CDK12: variants seen among roughly 807,000 people sequenced by gnomAD.
CDK12 encodes cyclin-dependent kinase 12.
Under a neutral mutation model 133.8 loss-of-function variants are expected in CDK12, and 17 were observed. The observed-to-expected ratio is 0.13, with a 90% CI of 0.09 to 0.19. CDK12 has a LOEUF of 0.19. CDK12 is among the 10% of genes least tolerant of loss of function. CDK12 has a pLI of 1.00. For synonymous variants in CDK12, 694 were observed against 683.6 expected (o/e 1.02, Z -0.24); for missense variants, 1,508 against 1,818.7 (o/e 0.83, Z 3.11).
At chr17:39,482,439 G>T (rs1440418489) in intron 2 of CDK12, among the ~76,000 whole-genome samples, 1 of 151,882 alleles carries the variant, frequency 6.6e-6, no homozygotes, top group Non-Finnish European at 1.5e-5. Context: ...TTTCCTAGTA[G>T]AATGGGATGC....
At chr17:39,494,877 C>T (rs567245851) in intron 5 of CDK12, among the ~76,000 whole-genome samples, 183 bp downstream of exon 5, 134 of 150,736 alleles carry the variant, frequency 8.9e-4, no homozygotes, top group African/African-American at 3.1e-3. Flanking sequence ...TCACGCCATT[C>T]TCCTGCCTCA....
chr17:39,501,753 A>C (rs1301606801), intron 6 of CDK12, among the ~76,000 whole-genome samples: 2 of 152,170 alleles, frequency 1.3e-5, no homozygotes, highest in East Asian at 3.9e-4. Flanking sequence ...TTAATTCATC[A>C]GAAGTTTTTA....
intron 2 of CDK12, among the ~76,000 whole-genome samples, chr17:39,552,319 G>A (rs1410537270): frequency 6.6e-6 from 1 of 152,206 alleles, no homozygotes; most frequent in Non-Finnish European, 1.5e-5. Flanking sequence ...TTCTCTTGTT[G>A]GGAGAGCAGA....
Position 39,470,886 on chromosome 17 carries a change from T to A in CDK12, c.1054T>A (p.Ser352Thr). 2 of 1,597,156 alleles carry A rather than the reference T, an allele frequency of 1.3e-6. No homozygotes were observed. The highest frequency in any genetic ancestry group is 1.7e-6 in the Non-Finnish European group (2 of 1,174,784). Reference sequence around the variant, plus strand: ...GGCTTTTTATTTTTCCAGTAGGAAATCCATGAAGTCCAGAAGTAGAAGTCC... The same window carrying A: ...GGCTTTTTATTTTTCCAGTAGGAAAACCATGAAGTCCAGAAGTAGAAGTCC... ...LSRSPLPSRK[S>T]MKSRSRSPAY... The change falls in exon 2 of 14, where the codon TCC becomes ACC. Residue 352 changes from serine to threonine, a missense_variant. Coordinates refer to ENST00000447079, the MANE Select transcript of CDK12 (RefSeq NM_016507.4).
chr17:39,514,567 C>T lies in CDK12; in HGVS notation c.2769-1164C>T, dbSNP rs186004413. 9.9e-5 allele frequency among the ~76,000 whole-genome samples: 15 copies of T among 152,222 alleles called. No individual in the cohort carries two copies. The East Asian group carries it at 2.7e-3, about 27-fold the overall frequency. On this transcript the variant is annotated intron_variant, in intron 8 of 13. Coordinates refer to ENST00000447079, the MANE Select transcript of CDK12 (RefSeq NM_016507.4). ...ATGTTGCCAGGCTGGTCTTGAACTC[C>T]TGGCTTCAAGTGATCCTCCTGCCTA...
downstream of CDK12, among the ~76,000 whole-genome samples, chr17:39,536,965 C>G (rs1167157115): frequency 6.6e-6 from 1 of 152,204 alleles, no homozygotes; most frequent in Non-Finnish European, 1.5e-5. Flanking sequence ...TTTTTGATAT[C>G]TTGCTCTGGC....
downstream of CDK12, among the ~76,000 whole-genome samples, chr17:39,566,262 G>A (rs7503195): frequency 0.33 from 50,535 of 152,032 alleles, 9,718 homozygotes; most frequent in South Asian, 0.5. Flanking sequence ...CCTGGGCTTA[G>A]GAATGTCCCT....
chr17:39,537,389 G>A (rs1242826606), downstream of CDK12, among the ~76,000 whole-genome samples: 2 of 151,914 alleles, frequency 1.3e-5, no homozygotes, highest in African/African-American at 2.4e-5. Flanking sequence ...TTTTTAGTTT[G>A]GCCTTATACT....
At chr17:39,481,634 CTCTCTCT>C (rs2050676510) in intron 2 of CDK12, among the ~76,000 whole-genome samples, 2 of 3,908 alleles carry the variant, frequency 5.1e-4, no homozygotes, top group African/African-American at 1.5e-3. Flanking sequence ...CGCTCGCGCG[CTCTCTCT>C]CTCTCTCTCT....
chr17:39,511,732 A>G, intron 8 of CDK12, 102 bp downstream of exon 8: 1 of 571,154 alleles, frequency 1.8e-6, no homozygotes, highest in South Asian at 4.4e-5. Flanking sequence ...TCTTAAGTTC[A>G]GAAGGATGGC....
downstream of CDK12, chr17:39,534,941 A>G (rs1446005837): frequency 6.6e-6 from 1 of 152,250 alleles, no homozygotes; most frequent in Non-Finnish European, 1.5e-5. Context: ...ATAGTCTTAA[A>G]CCAGACTTCA....
In CDK12 at chr17:39,515,778, A is replaced by G. The variant is rs773007495; in HGVS notation, c.2816A>G (p.Asn939Ser). ...LFTKKPIFQA[N>S]LELAQLELIS... Reference sequence around the variant, plus strand: ...ACAAAGAAGCCTATTTTTCAAGCCAATCTGGAACTGGCTCAGCTAGAACTG... The same window carrying G: ...ACAAAGAAGCCTATTTTTCAAGCCAGTCTGGAACTGGCTCAGCTAGAACTG... Residue 939 changes from asparagine (N) to serine (S), a missense_variant, in exon 9 of 14, where the codon AAT becomes AGT. Around this residue, in one of 9 missense-constraint regions of CDK12, gnomAD observed 82 missense variants for 201.5 expected, o/e 0.41. Coordinates refer to ENST00000447079, the MANE Select transcript of CDK12 (RefSeq NM_016507.4). The G allele has an allele frequency of 1.2e-6, 2 of 1,613,666 alleles. No homozygotes were observed. The highest frequency in any genetic ancestry group is 8.5e-7 in the Non-Finnish European group (1 of 1,179,710).
At chr17:39,508,438 T>G (rs2053272379) in intron 6 of CDK12, among the ~76,000 whole-genome samples, 1 of 152,118 alleles carries the variant, frequency 6.6e-6, no homozygotes, top group African/African-American at 2.4e-5. Flanking sequence ...AGTTGTTGGG[T>G]TTTGCATTGC....
chr17:39,540,599 G>A (rs4794814), intron 1 of CDK12, among the ~76,000 whole-genome samples: 95,838 of 152,154 alleles, frequency 0.63, 32,947 homozygotes, highest in South Asian at 0.89. Flanking sequence ...CTAGCCTGTG[G>A]CAGCATGTGC....
In CDK12 at chr17:39,497,997, TTC is replaced by T. The variant is rs1005348220; in HGVS notation, c.2420-3247_2420-3246del. 5.6e-5 allele frequency among the ~76,000 whole-genome samples: 7 copies of T among 124,072 alleles called. No individual in the cohort carries two copies. In the South Asian group the frequency reaches 2.4e-3, roughly 43 times the overall value. The allele number at this position is 124,072 out of a possible 152,430, so 81.4% of individuals were successfully genotyped here. On this transcript the variant is annotated intron_variant, in intron 5 of 13. Coordinates refer to ENST00000447079, the MANE Select transcript of CDK12 (RefSeq NM_016507.4). ...TCTCCCTCTCTCTTTCTCTCTCTCT[TTC>T]TCTCTTTCTTTCTTTTTTTTTTGGG...
chr17:39,502,969 T>A (rs992757147), intron 6 of CDK12, among the ~76,000 whole-genome samples: 13 of 152,120 alleles, frequency 8.5e-5, no homozygotes, highest in Non-Finnish European at 1.8e-4. Flanking sequence ...TTAAACTTTA[T>A]CTGTATTTGA....
chr17:39,501,391 A>G lies in CDK12; in HGVS notation c.2561A>G (p.Asn854Ser). The G allele has an allele frequency of 6.2e-7, 1 of 1,613,430 alleles. No homozygotes were observed. Among genetic ancestry groups the G allele is most frequent in the Non-Finnish European group, 8.5e-7 (1 of 1,179,824 alleles). ...MEGLEYCHKK[N>S]FLHRDIKCSN... ...GGATTGGAATACTGTCACAAAAAGA[A>G]TTTCCTGCATCGGGATATTAAGTGT... The change falls in exon 6 of 14, where the codon AAT (asparagine) becomes AGT (serine). Residue 854 changes from asparagine to serine, a missense_variant. Physicochemically the swap from Asn to Ser is conservative, Grantham distance 46. Transcript: ENST00000447079.
intron 6 of CDK12, among the ~76,000 whole-genome samples, chr17:39,506,368 C>T (rs1164351567): frequency 2.0e-5 from 3 of 151,904 alleles, no homozygotes; most frequent in African/African-American, 7.3e-5. Context: ...GCGCATGCCA[C>T]CACGCCTGGC....
chr17:39,544,480 T>A (rs570947700), upstream of CDK12: 2 of 303,366 alleles, frequency 6.6e-6, no homozygotes, highest in South Asian at 6.4e-5. Context: ...TTTTTCTTTT[T>A]TAATTTTTAT....
Sources: allele counts gnomAD v4.1 joint callset (sites outside exome capture counted in the v4.1 genomes callset), GRCh38; gene constraint gnomAD v4.1.1; regional missense constraint gnomAD v4.1.1; transcripts MANE v1.5; gene names NCBI Gene and HGNC (gene_info 2026-07-23, HGNC 2026-07-21).